Variants in DRC9 observed in about 807,000 individuals in gnomAD.
DRC9 encodes dynein regulatory complex subunit 9.
the DRC9 span, chr3:197,958,069 A>G: frequency 1.3e-5 from 2 of 152,236 alleles, no homozygotes; most frequent in African/African-American, 4.8e-5. Context: ...ATTCACAGGA[A>G]ATTTTAAAAT....
chr3:197,913,012 C>G, the DRC9 span: 13 of 425,982 alleles, frequency 3.1e-5, no homozygotes, highest in African/African-American at 2.2e-4. Flanking sequence ...AAACGGCGCT[C>G]CAAGGGCACA....
At chr3:197,936,154 ACT>A in the DRC9 span, among the ~76,000 whole-genome samples, 2 of 151,040 alleles carry the variant, frequency 1.3e-5, no homozygotes, top group Admixed American at 1.3e-4. Context: ...ACAGAGTAAG[ACT>A]CTGTCTCAAA....
the DRC9 span, among the ~76,000 whole-genome samples, chr3:197,937,064 A>G: frequency 6.8e-3 from 1,043 of 152,346 alleles, 4 homozygotes; most frequent in Non-Finnish European, 0.011. Flanking sequence ...GCATGAAAGC[A>G]GTCACAGGCA....
the DRC9 span, chr3:197,950,951 G>C: frequency 6.2e-7 from 1 of 1,614,168 alleles, no homozygotes. Flanking sequence ...CTGGGAACGG[G>C]ACTTCTAAAA....
chr3:197,956,640 T>TTTTTTTTTTTTA, the DRC9 span: 1 of 150,982 alleles, frequency 6.6e-6, no homozygotes, highest in African/African-American at 2.5e-5. Context: ...TTTTTTTTTT[T>TTTTTTTTTTTTA]GAAGACAAGG....
At chr3:197,906,687 G>C in the DRC9 span, 2 of 152,236 alleles carry the variant, frequency 1.3e-5, no homozygotes, top group Non-Finnish European at 2.9e-5. Context: ...CAGGTCTTCT[G>C]AGTAGGGCCT....
At chr3:197,909,170 C>A in the DRC9 span, among the ~76,000 whole-genome samples, 1 of 152,192 alleles carries the variant, frequency 6.6e-6, no homozygotes, top group Non-Finnish European at 1.5e-5. Flanking sequence ...ATGACTATGA[C>A]AAACTCATGT....
At chr3:197,912,781 C>G in the DRC9 span, 4 of 1,558,970 alleles carry the variant, frequency 2.6e-6, no homozygotes, top group Non-Finnish European at 3.5e-6. Flanking sequence ...AGTACGTCTT[C>G]CCCGCAGGGC....
At chr3:197,932,449 A>G in the DRC9 span, 29 of 494,072 alleles carry the variant, frequency 5.9e-5, 1 homozygote, top group East Asian at 1.3e-3. Context: ...CCTGGCCAAC[A>G]TGGTAAAACC....
the DRC9 span, among the ~76,000 whole-genome samples, chr3:197,898,651 A>G: frequency 1.3e-5 from 2 of 152,218 alleles, no homozygotes; most frequent in African/African-American, 4.8e-5. Context: ...ACTTACAATC[A>G]TGGCAGGAGA....
chr3:197,926,867 T>C, the DRC9 span, among the ~76,000 whole-genome samples: 25 of 152,324 alleles, frequency 1.6e-4, no homozygotes, highest in East Asian at 1.3e-3. Context: ...CCATTTTCTC[T>C]CACGCAGATC....
At chr3:197,931,044 A>C in the DRC9 span, among the ~76,000 whole-genome samples, 2 of 152,074 alleles carry the variant, frequency 1.3e-5, no homozygotes, top group African/African-American at 2.4e-5. Context: ...AAAAAAGAAA[A>C]AAAAAAGAAA....
chr3:197,951,325 A>G, the DRC9 span: 1 of 1,613,644 alleles, frequency 6.2e-7, no homozygotes, highest in Non-Finnish European at 8.5e-7. Context: ...AGTTTATGAC[A>G]CTGGTAGGTT....
the DRC9 span, chr3:197,960,125 G>C: frequency 1.0e-6 from 1 of 1,001,836 alleles, no homozygotes; most frequent in South Asian, 1.6e-5. Context: ...GGGTGACGCT[G>C]TCCAATCGGA....
the DRC9 span, among the ~76,000 whole-genome samples, chr3:197,943,602 A>ACAC: frequency 6.6e-6 from 1 of 151,504 alleles, no homozygotes; most frequent in East Asian, 1.9e-4. Flanking sequence ...TGGCACCACT[A>ACAC]CACTCCAGCT....
chr3:197,903,306 C>T, the DRC9 span, among the ~76,000 whole-genome samples: 5 of 152,176 alleles, frequency 3.3e-5, no homozygotes, highest in Admixed American at 1.3e-4. Context: ...CCCACAAGCA[C>T]GAGCAACCAA....
the DRC9 span, among the ~76,000 whole-genome samples, chr3:197,907,688 T>C: frequency 9.8e-5 from 15 of 152,388 alleles, no homozygotes; most frequent in South Asian, 3.1e-3. Flanking sequence ...ACAACAGGGG[T>C]GACTGTACCA....
At chr3:197,959,080 G>T in the DRC9 span, 1 of 152,290 alleles carries the variant, frequency 6.6e-6, no homozygotes, top group Admixed American at 6.5e-5. Flanking sequence ...GGTGGCGGGT[G>T]CCTGTAATCC....
chr3:197,950,640 T>C, the DRC9 span: 12 of 464,414 alleles, frequency 2.6e-5, no homozygotes, highest in Non-Finnish European at 4.6e-5. Flanking sequence ...TTTTCCTGAG[T>C]GTTGCCTACT....
Sources: gnomAD v4.1 joint callset for allele counts (sites outside exome capture counted in the v4.1 genomes callset) on GRCh38, gnomAD v4.1.1 for gene constraint, MANE v1.5 for transcripts, NCBI Gene and HGNC (gene_info 2026-07-23, HGNC 2026-07-21) for gene names.